The following MRPL3 variants were observed in gnomAD, a reference collection of about 807,000 sequenced individuals.
MRPL3 encodes the protein mitochondrial ribosomal protein L3, also known as large ribosomal subunit protein uL3m.
Under a neutral mutation model 44.3 loss-of-function variants are expected in MRPL3, and 43 were observed. The observed-to-expected ratio is 0.97, with a 90% CI of 0.76 to 1.25. MRPL3 has a LOEUF of 1.25. Among genes scored for constraint, MRPL3 ranks in the 50% most tolerant of loss-of-function variants. The pLI is 0.00. For synonymous variants in MRPL3, 171 were observed against 152.3 expected (o/e 1.12, Z -0.91); for missense variants, 406 against 427.6 (o/e 0.95, Z 0.45).
intron 6 of MRPL3, among the ~76,000 whole-genome samples, chr3:131,485,634 C>T (rs1052465135): frequency 2.7e-5 from 4 of 150,692 alleles, no homozygotes; most frequent in African/African-American, 7.3e-5. Context: ...AACAAGTTCA[C>T]GATAATCAGG....
intron 6 of MRPL3, among the ~76,000 whole-genome samples, chr3:131,472,272 T>C (rs534873682): frequency 6.6e-5 from 10 of 152,264 alleles, no homozygotes; most frequent in African/African-American, 2.2e-4. Context: ...AAGAAACAAA[T>C]GGAGAAATAA....
At chr3:131,484,471 G>A (rs1395252926) in intron 6 of MRPL3, among the ~76,000 whole-genome samples, 1 of 152,122 alleles carries the variant, frequency 6.6e-6, no homozygotes, top group Non-Finnish European at 1.5e-5. Context: ...CCATGGCACT[G>A]CACATATTGT....
chr3:131,487,088 T>C (rs1284596220), intron 6 of MRPL3: 1 of 152,134 alleles, frequency 6.6e-6, no homozygotes, highest in Non-Finnish European at 1.5e-5. Flanking sequence ...ATTAACAAAA[T>C]GTAGCACATA....
At chr3:131,467,000 T>C (rs548611895) in intron 9 of MRPL3, among the ~76,000 whole-genome samples, 2 of 152,230 alleles carry the variant, frequency 1.3e-5, no homozygotes, top group South Asian at 2.1e-4. Context: ...TCCCCACTAT[T>C]TTCCCCCAGC....
At chr3:131,483,897 A>C (rs998528460) in intron 6 of MRPL3, among the ~76,000 whole-genome samples, 2 of 152,226 alleles carry the variant, frequency 1.3e-5, no homozygotes, top group Non-Finnish European at 2.9e-5. Flanking sequence ...GAAATCTAGT[A>C]CTAAAAATAT....
rs536554783 is a variant in MRPL3, at chr3:131,498,083, A to C, written c.468+96T>G. The C allele has an allele frequency of 2.4e-5, 22 of 910,290 alleles. No homozygotes were observed. The East Asian group carries it at 5.4e-4, about 22-fold the overall frequency. 56.4% of individuals were successfully genotyped at this position (910,290 alleles called of 1,614,324 possible). On this transcript the variant is annotated intron_variant, in intron 4 of 9. Transcript: ENST00000264995. ...CACAATTTACCTCACAAACAAATGCAAGTTTGTGGCTGTGGAACAATCTCA... is the reference window on the plus strand; with the variant it reads ...CACAATTTACCTCACAAACAAATGCCAGTTTGTGGCTGTGGAACAATCTCA...
intron 6 of MRPL3, among the ~76,000 whole-genome samples, chr3:131,483,567 A>G (rs558143007): frequency 1.0e-3 from 157 of 152,320 alleles, no homozygotes; most frequent in African/African-American, 3.7e-3. Flanking sequence ...AAATTTACCT[A>G]TTTATCTAGA....
At chr3:131,482,514 CAA>C (rs753043392) in intron 6 of MRPL3, among the ~76,000 whole-genome samples, 14 of 86,780 alleles carry the variant, frequency 1.6e-4, no homozygotes, top group South Asian at 3.5e-4. Flanking sequence ...GACTCCGTCT[CAA>C]AAAAAAAAAA....
intron 6 of MRPL3, among the ~76,000 whole-genome samples, chr3:131,471,925 G>A (rs11923992): frequency 0.099 from 15,107 of 152,026 alleles, 1,543 homozygotes; most frequent in African/African-American, 0.26. Context: ...AGCTATTAAC[G>A]AAGGACCTGA....
At chr3:131,475,657 A>G (rs1283436017) in intron 6 of MRPL3, among the ~76,000 whole-genome samples, 3 of 152,262 alleles carry the variant, frequency 2.0e-5, no homozygotes, top group African/African-American at 7.2e-5. Flanking sequence ...AAAACTCAAG[A>G]TAATGTGTAT....
At chr3:131,494,063 GCA>G (rs941614008) in intron 4 of MRPL3, among the ~76,000 whole-genome samples, 2 of 152,194 alleles carry the variant, frequency 1.3e-5, no homozygotes, top group African/African-American at 2.4e-5. Context: ...TGGCCTGTAA[GCA>G]CACAGTTTAA....
intron 2 of MRPL3, 134 bp from the exon 3 acceptor site, chr3:131,500,655 G>T: frequency 1.5e-6 from 1 of 682,614 alleles, no homozygotes; most frequent in Non-Finnish European, 2.6e-6. Context: ...TATTCACAGA[G>T]TAAAGTAGGA....
intron 6 of MRPL3, among the ~76,000 whole-genome samples, chr3:131,481,372 T>C (rs1015370634): frequency 1.3e-5 from 2 of 152,228 alleles, no homozygotes; most frequent in African/African-American, 4.8e-5. Context: ...ATAGTGATAG[T>C]AGCTAATACT....
At chr3:131,494,159 T>C (rs1010823848) in intron 4 of MRPL3, among the ~76,000 whole-genome samples, 1 of 152,222 alleles carries the variant, frequency 6.6e-6, no homozygotes, top group African/African-American at 2.4e-5. Flanking sequence ...AGCTCTACTT[T>C]GATGTCCACT....
At chr3:131,488,334 A>G in intron 5 of MRPL3, among the ~76,000 whole-genome samples, 2 of 152,330 alleles carry the variant, frequency 1.3e-5, no homozygotes, top group East Asian at 3.9e-4. Flanking sequence ...ATTAAATTTT[A>G]TATAGAAACG....
intron 2 of MRPL3, 74 bp downstream of exon 2, chr3:131,501,457 G>T: frequency 8.7e-7 from 1 of 1,144,244 alleles, no homozygotes; most frequent in Non-Finnish European, 1.3e-6. Flanking sequence ...TTATCAAGTA[G>T]TCACTATGAT....
intron 6 of MRPL3, among the ~76,000 whole-genome samples, chr3:131,483,586 A>G (rs1234491259): frequency 2.6e-5 from 4 of 152,210 alleles, no homozygotes; most frequent in African/African-American, 9.6e-5. Flanking sequence ...GAGAATTATA[A>G]CCAACATCAG....
intron 4 of MRPL3, among the ~76,000 whole-genome samples, chr3:131,492,721 C>G (rs1204574685): frequency 6.6e-6 from 1 of 151,952 alleles, no homozygotes; most frequent in Non-Finnish European, 1.5e-5. Flanking sequence ...AACAGCCTCC[C>G]CATTTCACCC....
chr3:131,478,994 A>C (rs529193184), intron 6 of MRPL3: 4 of 376,424 alleles, frequency 1.1e-5, no homozygotes, highest in Admixed American at 1.0e-4. Flanking sequence ...TGCCCAGCCC[A>C]AAATATTTGA....
Sources: allele counts gnomAD v4.1 joint callset (sites outside exome capture counted in the v4.1 genomes callset), GRCh38; gene constraint gnomAD v4.1.1; transcripts MANE v1.5; gene names NCBI Gene and HGNC (gene_info 2026-07-23, HGNC 2026-07-21).